ZNF462: variants seen among roughly 807,000 people sequenced by gnomAD.
The protein encoded by ZNF462 is zinc finger protein 462, also known as zinc finger PBX1-interacting protein.
In ZNF462, 10 loss-of-function variants were observed where a neutral mutation model predicts 201.9. That is an observed-to-expected ratio of 0.05 (90% CI 0.03 to 0.08). ZNF462 has a LOEUF of 0.08. Among genes scored for constraint, ZNF462 ranks in the 10% least tolerant of loss-of-function variants. ZNF462 has a pLI of 1.00. For missense variants in ZNF462, 2,523 were observed against 3,168.3 expected, an observed-to-expected ratio of 0.80 and a Z score of 4.89; for synonymous variants, 1,227 against 1,193.3, an observed-to-expected ratio of 1.03 and a Z score of -0.58.
chr9:106,889,208 C>A (rs1828462856), intron 1 of ZNF462, among the ~76,000 whole-genome samples: 1 of 152,120 alleles, frequency 6.6e-6, no homozygotes. Context: ...GTAAGTATGT[C>A]CACTCCCTAT....
At chr9:106,911,541 A>G (rs541787720) in intron 1 of ZNF462, among the ~76,000 whole-genome samples, 16 of 152,240 alleles carry the variant, frequency 1.1e-4, no homozygotes, top group Non-Finnish European at 2.4e-4. Flanking sequence ...GTGGAACTCA[A>G]TAATTTGCAT....
Position 106,950,097 on chromosome 9 carries a change from T to C in ZNF462, c.6427+10990T>C, listed in dbSNP as rs1831275761. Among the ~76,000 whole-genome samples the C allele has an allele frequency of 6.6e-6, 1 of 152,176 alleles. No homozygotes were observed. The highest frequency in any genetic ancestry group is 2.4e-5 in the African/African-American group (1 of 41,460). Reference sequence around the variant, plus strand: ...TTTCCAACTTACCAGACTCCAACCCTGAATAACCTTCACTCCTGCCCTTCC... The same window carrying C: ...TTTCCAACTTACCAGACTCCAACCCCGAATAACCTTCACTCCTGCCCTTCC... On this transcript the variant is annotated intron_variant, in intron 7 of 12. Transcript: ENST00000277225. The surrounding 1 kb of genome is among the most constrained non-coding windows in gnomAD (Gnocchi z 4.1).
chr9:106,922,729 G>GA (rs991737021), intron 1 of ZNF462, among the ~76,000 whole-genome samples: 17 of 150,342 alleles, frequency 1.1e-4, no homozygotes, highest in East Asian at 5.8e-4. Context: ...TTAGCTCATG[G>GA]AAAAAAAAAC....
intron 9 of ZNF462, chr9:106,975,606 C>CGA (rs2132100926): frequency 6.6e-6 from 1 of 152,358 alleles, no homozygotes; most frequent in South Asian, 2.1e-4. Context: ...CCGAGTGGTC[C>CGA]CGCCTGGTGT....
intron 1 of ZNF462, among the ~76,000 whole-genome samples, chr9:106,879,120 A>G (rs1392392046): frequency 2.0e-5 from 3 of 152,224 alleles, no homozygotes; most frequent in Non-Finnish European, 2.9e-5. Flanking sequence ...TGCTGAATGC[A>G]TTAAGCATTG....
chr9:106,897,417 A>G (rs1390781754), intron 1 of ZNF462, among the ~76,000 whole-genome samples: 1 of 152,122 alleles, frequency 6.6e-6, no homozygotes, highest in Non-Finnish European at 1.5e-5. Context: ...AACTTTGTCT[A>G]CACTGTTGAA....
At position 106,925,190 on chromosome 9, in the gene ZNF462, G is replaced by A; in HGVS notation, c.1278G>A (p.Glu426=). 1.9e-6 allele frequency: 3 copies of A among 1,614,226 alleles called. No individual in the cohort carries two copies. The highest frequency in any genetic ancestry group is 1.1e-5 in the South Asian group (1 of 91,078). Residue 426 remains glutamate (E), a synonymous_variant, in exon 3 of 13, where the codon GAG becomes GAA. Transcript: ENST00000277225. This position sits in a 1 kb window ranked among gnomAD's most constrained non-coding sequence, Gnocchi z 7.9. ...LMGSDGNKLL[E]TKGIPFRRFM... Reference sequence around the variant, plus strand: ...GCTCAGATGGCAACAAATTATTGGAGACCAAGGGGATTCCATTTAGAAGAT... The same window carrying A: ...GCTCAGATGGCAACAAATTATTGGAAACCAAGGGGATTCCATTTAGAAGAT...
At chr9:106,943,043 T>A (rs968817652) in intron 7 of ZNF462, among the ~76,000 whole-genome samples, 1 of 139,866 alleles carries the variant, frequency 7.1e-6, no homozygotes, top group Non-Finnish European at 1.5e-5. Flanking sequence ...GGTAACATAG[T>A]TTTGTTTTGC....
chr9:106,892,265 T>C (rs958839401), intron 1 of ZNF462, among the ~76,000 whole-genome samples: 2 of 152,234 alleles, frequency 1.3e-5, no homozygotes, highest in Non-Finnish European at 2.9e-5. Context: ...CCTTTTGTTC[T>C]ATAATAATCC....
At chr9:106,946,501 T>C (rs1831109981) in intron 7 of ZNF462, among the ~76,000 whole-genome samples, 4 of 152,164 alleles carry the variant, frequency 2.6e-5, no homozygotes, top group Admixed American at 6.5e-5. Flanking sequence ...CATAGGTCTC[T>C]CCAGTCTTTC....
rs774505024 is a variant in ZNF462 at position 106,927,075 on chromosome 9, G to A, written c.3163G>A (p.Glu1055Lys). The change falls in exon 3 of 13, where the codon GAA becomes AAA. Residue 1055 changes from glutamate to lysine, a missense_variant. Physicochemically the swap from Glu to Lys is moderately conservative, Grantham distance 56. Around this residue, in one of 15 missense-constraint regions of ZNF462, gnomAD observed 280 missense variants for 321.3 expected, o/e 0.87. Coordinates refer to ENST00000277225, the MANE Select transcript of ZNF462 (RefSeq NM_021224.6). ...GGTTCATTATCAGAAGAAACACCCC[G>A]AAGAAAAGGCTTCCTACTTTAGGAT... is the stretch of plus-strand genomic sequence containing the variant. ...VLVHYQKKHP[E>K]EKASYFRIQK... 11 of 1,613,760 alleles carry A rather than the reference G, an allele frequency of 6.8e-6. No homozygotes were observed. The East Asian group carries it at 8.9e-5, about 13-fold the overall frequency.
chr9:106,910,235 C>T (rs892030990), intron 1 of ZNF462, among the ~76,000 whole-genome samples: 1 of 151,886 alleles, frequency 6.6e-6, no homozygotes, highest in Non-Finnish European at 1.5e-5. Context: ...TCTTTGATCT[C>T]TTCTTTCATA....
chr9:106,912,401 CA>C (rs137928084), intron 1 of ZNF462, among the ~76,000 whole-genome samples: 13,731 of 151,994 alleles, frequency 0.09, 1,406 homozygotes, highest in African/African-American at 0.25. Flanking sequence ...AGTCAATCTG[CA>C]AAAAAATGGA....
chr9:106,884,154 C>G (rs1157207980), intron 1 of ZNF462, among the ~76,000 whole-genome samples: 1 of 152,146 alleles, frequency 6.6e-6, no homozygotes, highest in Non-Finnish European at 1.5e-5. Context: ...TAAAAATAGA[C>G]TTTCAGGTTC....
In ZNF462 at chr9:106,925,535, GCCACCGCAGCCACCA is replaced by G; in HGVS notation, c.1631_1645del (p.Gln544_Pro548del). ...TGTTGGATCCCTTGCAGCAGCAACA[GCCACCGCAGCCACCA>G]CCACCGCCGCCGCCACCACCACCAT... On this transcript the variant is annotated inframe_deletion, in exon 3 of 13. Coordinates refer to ENST00000277225, the MANE Select transcript of ZNF462 (RefSeq NM_021224.6). The surrounding 1 kb of genome is among the most constrained non-coding windows in gnomAD (Gnocchi z 7.9). 6.2e-7 allele frequency: 1 copy of G among 1,613,188 alleles called. No homozygotes were observed. The highest frequency in any genetic ancestry group is 1.1e-5 in the South Asian group (1 of 91,034).
intron 1 of ZNF462, among the ~76,000 whole-genome samples, chr9:106,889,979 G>T (rs1419926017): frequency 1.3e-5 from 2 of 152,172 alleles, no homozygotes; most frequent in Non-Finnish European, 2.9e-5. Flanking sequence ...AAGCTACAGT[G>T]GCATTGATAC....
In ZNF462 at chr9:106,928,255, C is replaced by G. The variant is rs369630588; in HGVS notation, c.4343C>G (p.Ala1448Gly). ...PEQEAECPED[A>G]RLSPEKSLQL... Reference sequence around the variant, plus strand: ...CAGGAAGCTGAATGTCCAGAGGATGCAAGACTGTCCCCTGAGAAAAGCCTG... The same window carrying G: ...CAGGAAGCTGAATGTCCAGAGGATGGAAGACTGTCCCCTGAGAAAAGCCTG... Residue 1448 changes from alanine to glycine, a missense_variant, in exon 3 of 13, where the codon GCA becomes GGA. Physicochemically the swap from Ala to Gly is moderately conservative, Grantham distance 60. This residue lies in a region of ZNF462 where 165 missense variants were observed against 142.6 expected (regional missense o/e 1.16). Transcript: ENST00000277225. The surrounding 1 kb of genome is among the most constrained non-coding windows in gnomAD (Gnocchi z 9.3). 6 of 1,613,724 alleles carry G rather than the reference C, an allele frequency of 3.7e-6. No individual in the cohort carries two copies. The highest frequency in any genetic ancestry group is 2.7e-5 in the African/African-American group (2 of 74,818).
At position 106,917,138 on chromosome 9, in the gene ZNF462, T is replaced by C. The variant is rs534580523; in HGVS notation, c.-30-6216T>C. Among the ~76,000 whole-genome samples the C allele has an allele frequency of 6.6e-6, 1 of 152,390 alleles. No individual in the cohort carries two copies. The highest frequency in any genetic ancestry group is 2.1e-4 in the South Asian group (1 of 4,828). On this transcript the variant is annotated intron_variant, in intron 1 of 12. Coordinates refer to ENST00000277225, the MANE Select transcript of ZNF462 (RefSeq NM_021224.6). This position sits in a 1 kb window ranked among gnomAD's most constrained non-coding sequence, Gnocchi z 4.5. The stretch of plus-strand genomic sequence containing the variant: ...ATCTCTTTCTGTATGAGACACTTAC[T>C]ACCTGCTTTCATAACAGGTCACTCA...
At position 106,870,067 on chromosome 9, in the gene ZNF462, A is replaced by T. The variant is rs986454461; in HGVS notation, c.-31+6712A>T. Among the ~76,000 whole-genome samples the T allele has an allele frequency of 6.6e-6, 1 of 152,212 alleles. No homozygotes were observed. The highest frequency in any genetic ancestry group is 1.5e-5 in the Non-Finnish European group (1 of 68,044). ...AAGTCCTCCTATTCTCATCAGCTGAAGCACGTACAGGATTTTTAAAGTGTT... is the reference window on the plus strand; with the variant it reads ...AAGTCCTCCTATTCTCATCAGCTGATGCACGTACAGGATTTTTAAAGTGTT... On this transcript the variant is annotated intron_variant, in intron 1 of 12. Transcript: ENST00000277225. This position sits in a 1 kb window ranked among gnomAD's most constrained non-coding sequence, Gnocchi z 4.3.
Sources: gnomAD v4.1 joint callset for allele counts (sites outside exome capture counted in the v4.1 genomes callset) on GRCh38, gnomAD v4.1.1 for gene constraint, gnomAD v4.1.1 regional missense constraint, Gnocchi (gnomAD v3.1) non-coding constraint, MANE v1.5 for transcripts, NCBI Gene and HGNC (gene_info 2026-07-23, HGNC 2026-07-21) for gene names.